Variants in CLEC16A observed in about 807,000 individuals in gnomAD.
The protein encoded by CLEC16A is C-type lectin domain containing 16A, also known as protein CLEC16A.
In CLEC16A, 51 loss-of-function variants were observed where a neutral mutation model predicts 109.5. That is an observed-to-expected ratio of 0.47 (90% CI 0.37 to 0.59). The LOEUF (loss-of-function observed/expected upper bound fraction) is 0.59, where lower values mean the gene tolerates loss of function less well. Among genes scored for constraint, CLEC16A ranks in the 20% least tolerant of loss-of-function variants. CLEC16A has a pLI of 0.00. For synonymous variants in CLEC16A, 673 were observed against 564.2 expected (o/e 1.19, Z -2.73); for missense variants, 1,339 against 1,394.0 (o/e 0.96, Z 0.63).
chr16:10,969,311 T>A lies in CLEC16A; in HGVS notation c.492+2T>A. The A allele has an allele frequency of 2.5e-6, 4 of 1,601,982 alleles. No individual in the cohort carries two copies. Among genetic ancestry groups the A allele is most frequent in the Non-Finnish European group, 3.4e-6 (4 of 1,175,204 alleles). On this transcript the variant is annotated splice_donor_variant, in intron 4 of 23. Coordinates refer to ENST00000409790, the MANE Select transcript of CLEC16A (RefSeq NM_015226.3). LOFTEE classifies it high-confidence loss of function. ...ACTGTCCATTTCTTTTATAATGAGGTAAGTAATTGCCAGAGGGGCACGTGT... is the reference window on the plus strand; with the variant it reads ...ACTGTCCATTTCTTTTATAATGAGGAAAGTAATTGCCAGAGGGGCACGTGT...
At chr16:11,089,425 C>T (rs140041170) in intron 19 of CLEC16A, among the ~76,000 whole-genome samples, 18 of 152,278 alleles carry the variant, frequency 1.2e-4, no homozygotes, top group East Asian at 5.8e-4. Flanking sequence ...TGTTACAGAA[C>T]GCTGAGGGGT....
chr16:11,047,700 C>T (rs1035586864), intron 17 of CLEC16A: 1 of 161,234 alleles, frequency 6.2e-6, no homozygotes, highest in African/African-American at 2.4e-5. Flanking sequence ...ATAGCTACTG[C>T]CATTGTCCCT....
intron 19 of CLEC16A, among the ~76,000 whole-genome samples, chr16:11,108,783 AG>A (rs1393905124): frequency 1.3e-5 from 2 of 152,144 alleles, no homozygotes; most frequent in East Asian, 1.9e-4. Context: ...CACTTTATAA[AG>A]GTTGGTCTTG....
At chr16:11,156,745 C>A in intron 22 of CLEC16A, 12 of 1,093,076 alleles carry the variant, frequency 1.1e-5, no homozygotes, top group Non-Finnish European at 1.5e-5. Flanking sequence ...GGGAATCAAG[C>A]CCAGCCCTGG....
intron 18 of CLEC16A, among the ~76,000 whole-genome samples, chr16:11,055,671 T>A (rs2048177757): frequency 1.5e-5 from 2 of 133,038 alleles, no homozygotes; most frequent in Non-Finnish European, 3.1e-5. Context: ...CACTGCAACC[T>A]GCTCCTCCTA....
intron 7 of CLEC16A, among the ~76,000 whole-genome samples, chr16:10,973,948 G>A (rs906965496): frequency 1.6e-5 from 2 of 127,298 alleles, no homozygotes; most frequent in African/African-American, 6.1e-5. Context: ...CTCCCAGGCT[G>A]GAGTGCAGTG....
Position 11,123,853 on chromosome 16 carries a change from A to T in CLEC16A, c.2380A>T (p.Ile794Phe). ...KPFPILQATF[I>F]FSDHIRCIIA... ...CTTCCCCATCCTCCAGGCCACCTTC[A>T]TCTTCTCAGACCACATCCGCTGCAT... The change falls in exon 21 of 24, where the codon ATC becomes TTC. Residue 794 changes from isoleucine to phenylalanine, a missense_variant. Coordinates refer to ENST00000409790, the MANE Select transcript of CLEC16A (RefSeq NM_015226.3). The T allele has an allele frequency of 6.2e-7, 1 of 1,613,970 alleles. No individual in the cohort carries two copies. The highest frequency in any genetic ancestry group is 8.5e-7 in the Non-Finnish European group (1 of 1,179,888).
At chr16:11,112,887 T>C (rs1483917848) in intron 19 of CLEC16A, among the ~76,000 whole-genome samples, 1 of 152,166 alleles carries the variant, frequency 6.6e-6, no homozygotes, top group Non-Finnish European at 1.5e-5. Flanking sequence ...CTCCCCAGAA[T>C]GGAGGCTTGG....
intron 10 of CLEC16A, among the ~76,000 whole-genome samples, chr16:10,995,267 A>C (rs866420464): frequency 6.6e-6 from 1 of 152,180 alleles, no homozygotes; most frequent in African/African-American, 2.4e-5. Context: ...ACTGAGACCT[A>C]TAGAGGAGAA....
At chr16:11,106,388 G>T (rs953807009) in intron 19 of CLEC16A, among the ~76,000 whole-genome samples, 3 of 151,560 alleles carry the variant, frequency 2.0e-5, no homozygotes, top group Non-Finnish European at 4.4e-5. Flanking sequence ...TCCTGGGCCC[G>T]AGTGAGCTTC....
chr16:11,071,241 C>G (rs999217228), intron 19 of CLEC16A: 5 of 152,184 alleles, frequency 3.3e-5, no homozygotes, highest in African/African-American at 1.2e-4. Flanking sequence ...GGAAAATTCT[C>G]TGTGTTGGCT....
At chr16:10,996,239 C>A (rs916954127) in intron 10 of CLEC16A, among the ~76,000 whole-genome samples, 1 of 152,200 alleles carries the variant, frequency 6.6e-6, no homozygotes, top group Non-Finnish European at 1.5e-5. Context: ...CCTGAAGAAC[C>A]CCTTTGTGAG....
intron 18 of CLEC16A, among the ~76,000 whole-genome samples, chr16:11,059,782 C>T (rs769283355): frequency 7.2e-5 from 11 of 152,134 alleles, no homozygotes; most frequent in Non-Finnish European, 1.6e-4. Context: ...TCAGAACCTC[C>T]TAGCAGGCAT....
At chr16:11,061,784 T>C (rs144779522) in intron 19 of CLEC16A, among the ~76,000 whole-genome samples, 3 of 152,316 alleles carry the variant, frequency 2.0e-5, no homozygotes, top group African/African-American at 7.2e-5. Flanking sequence ...TTGGCTGATG[T>C]CACTGGGAAG....
chr16:11,122,399 G>A (rs981857254), intron 20 of CLEC16A, among the ~76,000 whole-genome samples: 2 of 152,136 alleles, frequency 1.3e-5, no homozygotes, highest in African/African-American at 2.4e-5. Context: ...ATTTCCTTTA[G>A]AATTTAGTGT....
At chr16:11,042,385 C>T in intron 15 of CLEC16A, 22 bp downstream of exon 15, 1 of 1,533,386 alleles carries the variant, frequency 6.5e-7, no homozygotes, top group Non-Finnish European at 8.9e-7. Context: ...TCCGCTCCTC[C>T]TTCCTGTGGG....
chr16:11,042,596 G>A (rs1046518300), intron 15 of CLEC16A, among the ~76,000 whole-genome samples: 2 of 152,308 alleles, frequency 1.3e-5, no homozygotes, highest in African/African-American at 2.4e-5. Flanking sequence ...AGTAGTTTCT[G>A]TTGCAATTAT....
intron 10 of CLEC16A, among the ~76,000 whole-genome samples, chr16:11,001,710 C>G (rs894153418): frequency 6.6e-6 from 1 of 152,164 alleles, no homozygotes; most frequent in African/African-American, 2.4e-5. Flanking sequence ...GGCACGATCT[C>G]GCTCACTGAA....
chr16:11,049,954 A>G (rs1171763332), intron 17 of CLEC16A, among the ~76,000 whole-genome samples: 2 of 152,246 alleles, frequency 1.3e-5, no homozygotes, highest in African/African-American at 4.8e-5. Context: ...AGCAGCATGC[A>G]CCAAGTGGCT....
Sources: gnomAD v4.1 joint callset for allele counts (sites outside exome capture counted in the v4.1 genomes callset) on GRCh38, gnomAD v4.1.1 for gene constraint, MANE v1.5 for transcripts, NCBI Gene and HGNC (gene_info 2026-07-23, HGNC 2026-07-21) for gene names.